The following BATF2 variants were observed in gnomAD, a reference collection of about 807,000 sequenced individuals.
BATF2 encodes the protein basic leucine zipper transcriptional factor ATF-like 2.
A neutral mutation model predicts 7.3 loss-of-function variants in BATF2; 4 were observed. The observed-to-expected ratio is 0.55, with a 90% CI of 0.27 to 1.26. The LOEUF is 1.26. Ranked by LOEUF, BATF2 falls within the 50% of genes most tolerant of loss-of-function variation. The pLI, the probability that BATF2 is intolerant of heterozygous loss-of-function variation, is 0.11. For missense variants in BATF2, 295 were observed against 340.5 expected, an observed-to-expected ratio of 0.87 and a Z score of 1.05; for synonymous variants, 152 against 153.9, an observed-to-expected ratio of 0.99 and a Z score of 0.09.
At chr11:64,991,564 T>G (rs988965002) in intron 2 of BATF2, among the ~76,000 whole-genome samples, 3 of 152,218 alleles carry the variant, frequency 2.0e-5, no homozygotes, top group Non-Finnish European at 4.4e-5. Context: ...CATTTATTCA[T>G]TCGTTTGCCA....
At chr11:64,992,230 T>G (rs929422111) in intron 2 of BATF2, among the ~76,000 whole-genome samples, 2 of 152,088 alleles carry the variant, frequency 1.3e-5, no homozygotes, top group African/African-American at 4.8e-5. Flanking sequence ...AATGCTTGGC[T>G]AATTTTTGTA....
At chr11:64,990,461 C>A in intron 2 of BATF2, 1 of 1,273,056 alleles carries the variant, frequency 7.9e-7, no homozygotes, top group Non-Finnish European at 1.0e-6. Flanking sequence ...CCAGAACTCG[C>A]CCCTACGAGC....
rs1193147491 is a variant in BATF2 at position 64,990,724 on chromosome 11, T to C, written c.142-912A>G. ...GACTTCCTTCAGTCCCCCACCCCCT[T>C]TTCTGGACACTTTGAAAGAAGAAGT... On this transcript the variant is annotated intron_variant, in intron 2 of 2. Transcript: ENST00000301887. 7.3e-6 allele frequency: 5 copies of C among 680,552 alleles called. No individual in the cohort carries two copies. In the East Asian group the frequency reaches 6.7e-4, roughly 92 times the overall value. 42.2% of individuals were successfully genotyped at this position (680,552 alleles called of 1,614,324 possible). A position where few individuals can be genotyped will look rare whatever the true frequency, so the allele number is the denominator to read the frequency against.
chr11:64,990,371 A>G, intron 2 of BATF2: 2 of 1,434,700 alleles, frequency 1.4e-6, no homozygotes, highest in Non-Finnish European at 1.8e-6. Context: ...TTCTCTGTGC[A>G]AATCCCAACA....
At position 64,989,228 on chromosome 11, in the gene BATF2, A is replaced by C; in HGVS notation, c.726T>G (p.Pro242=). The C allele has an allele frequency of 6.2e-7, 1 of 1,613,990 alleles. No individual in the cohort carries two copies. Among genetic ancestry groups the C allele is most frequent in the Non-Finnish European group, 8.5e-7 (1 of 1,179,942 alleles). The change falls in exon 3 of 3, where the codon CCT becomes CCG. Residue 242 remains proline (P), a synonymous_variant. Coordinates refer to ENST00000301887, the MANE Select transcript of BATF2 (RefSeq NM_138456.4). This position sits in a 1 kb window ranked among gnomAD's most constrained non-coding sequence, Gnocchi z 4.3. The part of the protein sequence containing the change: ...LARLQSREHK[P]ALSAATWQGL... Reference sequence around the variant, plus strand: ...CTTGCCAAGTGGCTGCTGAGAGAGCAGGTTTGTGCTCCCTGCTCTGCAGAC... The same window carrying C: ...CTTGCCAAGTGGCTGCTGAGAGAGCCGGTTTGTGCTCCCTGCTCTGCAGAC...
At chr11:64,994,858 T>G (rs373188150) in intron 1 of BATF2, among the ~76,000 whole-genome samples, 45 of 152,254 alleles carry the variant, frequency 3.0e-4, no homozygotes, top group African/African-American at 1.1e-3. Flanking sequence ...TTTTTCCTTT[T>G]TTTTTGAGAC....
chr11:64,992,401 A>T (rs1442561382), intron 2 of BATF2, among the ~76,000 whole-genome samples: 1 of 151,952 alleles, frequency 6.6e-6, no homozygotes, highest in Non-Finnish European at 1.5e-5. Flanking sequence ...GCCACTACCT[A>T]TGTGCTATGG....
intron 1 of BATF2, among the ~76,000 whole-genome samples, chr11:64,996,574 G>A (rs1946111476): frequency 6.6e-6 from 1 of 152,212 alleles, no homozygotes; most frequent in Non-Finnish European, 1.5e-5. Flanking sequence ...GGAAGGAAAG[G>A]CTGCTGTGAG....
chr11:64,992,532 G>A (rs1282328222), intron 2 of BATF2, among the ~76,000 whole-genome samples: 3 of 152,014 alleles, frequency 2.0e-5, no homozygotes, highest in Non-Finnish European at 2.9e-5. Context: ...ATAGAGGATC[G>A]GGTTCTAATC....
chr11:64,996,316 A>T (rs1404611463), intron 1 of BATF2, among the ~76,000 whole-genome samples: 2 of 151,974 alleles, frequency 1.3e-5, no homozygotes, highest in African/African-American at 4.8e-5. Context: ...GAGTGCAGTG[A>T]CATGAGCTCA....
rs767252522 is a variant in BATF2 at position 64,989,843 on chromosome 11, A to G, written c.142-31T>C. On this transcript the variant is annotated intron_variant, in intron 2 of 2. Coordinates refer to ENST00000301887, the MANE Select transcript of BATF2 (RefSeq NM_138456.4). The surrounding 1 kb of genome is among the most constrained non-coding windows in gnomAD (Gnocchi z 4.3). ...GAGAAGCAGATGGGCGGGGAGGGGAACCTCAGCCAGTGTCAGGGGCCCCGC... is the reference window on the plus strand; with the variant it reads ...GAGAAGCAGATGGGCGGGGAGGGGAGCCTCAGCCAGTGTCAGGGGCCCCGC... 5.0e-6 allele frequency: 8 copies of G among 1,610,360 alleles called. No homozygotes were observed. In the South Asian group the frequency reaches 8.8e-5, roughly 18 times the overall value.
rs751290148 is a variant in BATF2 at position 64,994,486 on chromosome 11, G to A, written c.103C>T (p.Arg35Trp). The change falls in exon 2 of 3, where the codon CGG becomes TGG. Residue 35 changes from arginine to tryptophan, a missense_variant. Coordinates refer to ENST00000301887, the MANE Select transcript of BATF2 (RefSeq NM_138456.4). ...QKNRAAAQRSRQKHTDKADAL... is the reference protein window; with the variant it reads ...QKNRAAAQRSWQKHTDKADAL... ...TCTGCCTTGTCTGTGTGCTTCTGCC[G>A]GCTTCGCTGGGCGGCTGCCCGGTTC... 26 of 1,601,304 alleles carry A rather than the reference G, an allele frequency of 1.6e-5. No individual in the cohort carries two copies. Among genetic ancestry groups the A allele is most frequent in the African/African-American group, 2.7e-5 (2 of 74,726 alleles).
At chr11:64,993,212 T>C (rs1946089464) in intron 2 of BATF2, among the ~76,000 whole-genome samples, 1 of 151,818 alleles carries the variant, frequency 6.6e-6, no homozygotes, top group Admixed American at 6.6e-5. Context: ...ATACAAAAAT[T>C]AGGTGGGCGT....
At chr11:64,991,747 G>A (rs886435169) in intron 2 of BATF2, among the ~76,000 whole-genome samples, 1 of 152,140 alleles carries the variant, frequency 6.6e-6, no homozygotes, top group Non-Finnish European at 1.5e-5. Context: ...GGCTGGGGTG[G>A]GCGTTTGTCT....
chr11:64,994,181 C>T (rs1334389314), intron 2 of BATF2, among the ~76,000 whole-genome samples: 2 of 152,300 alleles, frequency 1.3e-5, no homozygotes, highest in Non-Finnish European at 1.5e-5. Flanking sequence ...CTTCCTTCCC[C>T]TAGACTGCGG....
At position 64,988,008 on chromosome 11, in the gene BATF2, G is replaced by A. The variant is rs1387062172; in HGVS notation, c.*1121C>T. ...CAAGACTTGTGTTCTGTATCCAGGA[G>A]TGTGTTAGATACTAACATAGTGTTT... On this transcript the variant is annotated 3_prime_UTR_variant, in exon 3 of 3. Transcript: ENST00000301887. The A allele has an allele frequency of 6.6e-6, 1 of 152,212 alleles. No individual in the cohort carries two copies. The highest frequency in any genetic ancestry group is 6.5e-5 in the Admixed American group (1 of 15,280). 9.4% of individuals were successfully genotyped at this position (152,212 alleles called of 1,614,324 possible).
At chr11:64,995,421 T>C (rs372260494) in intron 1 of BATF2, among the ~76,000 whole-genome samples, 28 of 152,210 alleles carry the variant, frequency 1.8e-4, no homozygotes, top group African/African-American at 4.3e-4. Context: ...TATAAGCACC[T>C]ACTATGTTCC....
At chr11:64,992,897 G>A (rs1256351179) in intron 2 of BATF2, among the ~76,000 whole-genome samples, 2 of 151,332 alleles carry the variant, frequency 1.3e-5, no homozygotes, top group Non-Finnish European at 1.5e-5. Flanking sequence ...GGTGGCTCAC[G>A]CCTGTAATCC....
intron 2 of BATF2, among the ~76,000 whole-genome samples, chr11:64,993,258 G>A (rs1946089798): frequency 6.6e-6 from 1 of 152,172 alleles, no homozygotes. Flanking sequence ...TACTCAGGAG[G>A]CTGAGGCAGG....
Sources: gnomAD v4.1 joint callset for allele counts (sites outside exome capture counted in the v4.1 genomes callset) on GRCh38, gnomAD v4.1.1 for gene constraint, Gnocchi (gnomAD v3.1) non-coding constraint, MANE v1.5 for transcripts, NCBI Gene and HGNC (gene_info 2026-07-23, HGNC 2026-07-21) for gene names.